Variants in ZFHX3 observed in about 807,000 individuals in gnomAD.
The protein encoded by ZFHX3 is zinc finger homeobox 3.
A neutral mutation model predicts 279.1 loss-of-function variants in ZFHX3; 42 were observed. The observed-to-expected ratio is 0.15, with a 90% CI of 0.12 to 0.19. The LOEUF (loss-of-function observed/expected upper bound fraction) is 0.19. Ranked by LOEUF, ZFHX3 falls within the 10% of genes least tolerant of loss-of-function variation. The pLI is 1.00. For synonymous variants in ZFHX3, 2,293 were observed against 1,957.8 expected, an observed-to-expected ratio of 1.17 and a Z score of -4.52; for missense variants, 4,981 against 4,754.0, an observed-to-expected ratio of 1.05 and a Z score of -1.40.
At chr16:73,266,017 G>A (rs1051414806) in intron 4 of ZFHX3, among the ~76,000 whole-genome samples, 1 of 152,234 alleles carries the variant, frequency 6.6e-6, no homozygotes, top group African/African-American at 2.4e-5. Flanking sequence ...AGGAAACACA[G>A]CAATGGGGAA....
intron 8 of ZFHX3, among the ~76,000 whole-genome samples, chr16:73,073,843 G>A (rs1965853109): frequency 6.6e-6 from 1 of 152,202 alleles, no homozygotes; most frequent in African/African-American, 2.4e-5. Flanking sequence ...AACTCCGTTG[G>A]TCAATGAAAT....
chr16:73,447,602 C>T (rs1254768103), intron 3 of ZFHX3, among the ~76,000 whole-genome samples: 5 of 152,088 alleles, frequency 3.3e-5, no homozygotes, highest in Admixed American at 2.6e-4. Flanking sequence ...TGAAAAGGAG[C>T]AGAGTCCCTG....
intron 1 of ZFHX3, among the ~76,000 whole-genome samples, chr16:72,990,099 G>A (rs548645068): frequency 4.6e-5 from 7 of 152,028 alleles, no homozygotes; most frequent in Non-Finnish European, 8.8e-5. Flanking sequence ...ATCAAAAAGC[G>A]CTAAGTCCTG....
At chr16:73,706,322 T>C (rs1296105709) in intron 1 of ZFHX3, among the ~76,000 whole-genome samples, 2 of 151,504 alleles carry the variant, frequency 1.3e-5, no homozygotes, top group Non-Finnish European at 2.9e-5. Context: ...ATTAGCTGGG[T>C]GTCGTGGCAG....
intron 3 of ZFHX3, chr16:73,387,273 T>C (rs1251179086): frequency 3.3e-5 from 5 of 152,128 alleles, no homozygotes; most frequent in South Asian, 2.1e-4. Context: ...ATCCTTCTCA[T>C]CTCCCATTGT....
intron 3 of ZFHX3, among the ~76,000 whole-genome samples, chr16:73,412,103 A>G (rs1407986109): frequency 6.6e-6 from 1 of 152,114 alleles, no homozygotes; most frequent in African/African-American, 2.4e-5. Flanking sequence ...AGGCAGGTGG[A>G]TCACTTGAGC....
chr16:72,921,069 CAAAAAA>C (rs57294537), intron 3 of ZFHX3, among the ~76,000 whole-genome samples: 14 of 23,570 alleles, frequency 5.9e-4, no homozygotes, highest in South Asian at 2.4e-3. Context: ...CAGACCTTGT[CAAAAAA>C]AAAAAAAAAA....
rs1313215201 is a variant in ZFHX3, at chr16:73,701,247, C to T, written c.-1607-21007G>A. Among the ~76,000 whole-genome samples the T allele has an allele frequency of 3.3e-5, 5 of 152,264 alleles. No homozygotes were observed. In the East Asian group the frequency reaches 7.7e-4, roughly 24 times the overall value. On this transcript the variant is annotated intron_variant, in intron 1 of 17. Transcript: ENST00000641206. ...AATCAAGTGATGTTGGTTTTCTTGT[C>T]GTTATTGTTATTATAAGACAGTATT...
At chr16:72,789,908 G>C (rs1198713098) in intron 9 of ZFHX3, 1 of 152,380 alleles carries the variant, frequency 6.6e-6, no homozygotes, top group Non-Finnish European at 1.5e-5. Context: ...AAGTGGAATA[G>C]CCCAAGATAC....
intron 1 of ZFHX3, among the ~76,000 whole-genome samples, chr16:73,710,193 C>T (rs1469875733): frequency 6.6e-6 from 1 of 152,030 alleles, no homozygotes; most frequent in African/African-American, 2.4e-5. Flanking sequence ...CAAAACAAAA[C>T]AAAACAATTA....
At chr16:73,105,474 A>C (rs1966292259) in intron 7 of ZFHX3, among the ~76,000 whole-genome samples, 1 of 125,756 alleles carries the variant, frequency 8.0e-6, no homozygotes, top group South Asian at 2.7e-4. Context: ...CCCCCAGGCC[A>C]GGCGTGCTGG....
chr16:73,422,505 C>T (rs1029283675), intron 3 of ZFHX3, among the ~76,000 whole-genome samples: 3 of 152,200 alleles, frequency 2.0e-5, no homozygotes, highest in African/African-American at 7.2e-5. Context: ...TCATAGTTAA[C>T]AAAGAATAAA....
intron 3 of ZFHX3, among the ~76,000 whole-genome samples, chr16:73,350,947 G>A (rs138532221): frequency 1.8e-3 from 281 of 152,254 alleles, no homozygotes; most frequent in African/African-American, 6.1e-3. Flanking sequence ...CCAGCTCATC[G>A]GGATCCAAAC....
chr16:72,978,695 A>G (rs1275712130), intron 1 of ZFHX3, among the ~76,000 whole-genome samples: 1 of 152,214 alleles, frequency 6.6e-6, no homozygotes, highest in Non-Finnish European at 1.5e-5. Context: ...GGATTACAGC[A>G]AAGTCTTCCA....
exon 1 of ZFHX3, chr16:73,059,291 G>A (rs1483166777): frequency 6.7e-6 from 1 of 149,010 alleles, no homozygotes; most frequent in Non-Finnish European, 1.5e-5. Context: ...GAAGAGCCTA[G>A]AAGAGGGAGA....
At chr16:72,964,154 G>A (rs1392631506) in intron 1 of ZFHX3, among the ~76,000 whole-genome samples, 2 of 152,118 alleles carry the variant, frequency 1.3e-5, no homozygotes, top group African/African-American at 4.8e-5. Flanking sequence ...ATACATCAAA[G>A]GCCTCAGAAG....
intron 1 of ZFHX3, among the ~76,000 whole-genome samples, chr16:73,720,632 T>C (rs939470565): frequency 2.0e-5 from 3 of 152,188 alleles, no homozygotes; most frequent in Admixed American, 6.5e-5. Context: ...TATGGATATA[T>C]TGGAAAAACT....
chr16:73,323,587 G>T lies in ZFHX3; in HGVS notation c.-1290-5251C>A, dbSNP rs111329489. On this transcript the variant is annotated intron_variant, in intron 3 of 17. Transcript: ENST00000641206. ...CCAAGATATGAAAGAAGAGATGCAG[G>T]TTAATAATTTGAGTAAATGGCAAAG... Among the ~76,000 whole-genome samples the T allele has an allele frequency of 1.7e-3, 255 of 152,190 alleles. 1 individual carries two copies. Among genetic ancestry groups the T allele is most frequent in the Non-Finnish European group, 3.2e-3 (219 of 68,038 alleles).
intron 1 of ZFHX3, among the ~76,000 whole-genome samples, chr16:73,712,026 C>A (rs1597077337): frequency 6.6e-6 from 1 of 152,218 alleles, no homozygotes; most frequent in Non-Finnish European, 1.5e-5. Flanking sequence ...TTGAAATCAT[C>A]GAGTCACTGA....
Sources: gnomAD v4.1 joint callset for allele counts (sites outside exome capture counted in the v4.1 genomes callset) on GRCh38, gnomAD v4.1.1 for gene constraint, MANE v1.5 for transcripts, NCBI Gene and HGNC (gene_info 2026-07-23, HGNC 2026-07-21) for gene names.